The following ADAMTS17 variants were observed in gnomAD, a reference collection of about 807,000 sequenced individuals.
The protein encoded by ADAMTS17 is A disintegrin and metalloproteinase with thrombospondin motifs 17.
ADAMTS17 carries 113 observed loss-of-function variants against 141.5 expected under a neutral mutation model. That is an observed-to-expected ratio of 0.80 (90% CI 0.69 to 0.93). ADAMTS17 has a LOEUF of 0.93. ADAMTS17 is among the 40% of genes least tolerant of loss of function. The pLI is 0.00. For missense variants in ADAMTS17, 1,659 were observed against 1,517.9 expected (o/e 1.09, Z -1.54); for synonymous variants, 768 against 630.6 (o/e 1.22, Z -3.27).
chr15:100,215,529 G>A (rs2041944229), intron 7 of ADAMTS17, among the ~76,000 whole-genome samples: 1 of 152,130 alleles, frequency 6.6e-6, no homozygotes. Flanking sequence ...GGCCAACAGA[G>A]AAGTTGACAG....
intron 7 of ADAMTS17, among the ~76,000 whole-genome samples, chr15:100,241,053 T>C (rs1294624382): frequency 6.6e-6 from 1 of 152,206 alleles, no homozygotes. Context: ...CTCGAACTCC[T>C]GACCTTGTGA....
chr15:100,211,469 C>T (rs546465417), intron 7 of ADAMTS17, among the ~76,000 whole-genome samples: 1 of 152,114 alleles, frequency 6.6e-6, no homozygotes, highest in African/African-American at 2.4e-5. Context: ...ATGCCAGACA[C>T]AGAAACAAAC....
At chr15:100,241,762 A>G (rs2042834366) in intron 7 of ADAMTS17, among the ~76,000 whole-genome samples, 1 of 152,116 alleles carries the variant, frequency 6.6e-6, no homozygotes, top group Non-Finnish European at 1.5e-5. Flanking sequence ...ACCATGATTC[A>G]GTTCTTGTCT....
At chr15:100,121,877 C>A (rs1430592981) in intron 12 of ADAMTS17, among the ~76,000 whole-genome samples, 2 of 152,138 alleles carry the variant, frequency 1.3e-5, no homozygotes, top group Non-Finnish European at 2.9e-5. Context: ...TCCAAGCACA[C>A]CAACTTTTTG....
chr15:100,283,711 C>T (rs1261919781), intron 3 of ADAMTS17, among the ~76,000 whole-genome samples: 2 of 152,184 alleles, frequency 1.3e-5, no homozygotes, highest in Admixed American at 6.5e-5. Flanking sequence ...CATTAGGAGC[C>T]AGCTAGCATC....
intron 7 of ADAMTS17, among the ~76,000 whole-genome samples, chr15:100,228,204 G>T (rs1318685975): frequency 6.6e-6 from 1 of 152,184 alleles, no homozygotes; most frequent in Non-Finnish European, 1.5e-5. Context: ...CCTTCTCACA[G>T]TTCGGATCCT....
At chr15:100,277,182 A>T (rs545769803) in intron 4 of ADAMTS17, among the ~76,000 whole-genome samples, 1 of 152,082 alleles carries the variant, frequency 6.6e-6, no homozygotes, top group Non-Finnish European at 1.5e-5. Flanking sequence ...CCTCCTCAGG[A>T]AACATCTCAA....
At chr15:100,120,027 A>G (rs1459346273) in intron 12 of ADAMTS17, among the ~76,000 whole-genome samples, 1 of 152,216 alleles carries the variant, frequency 6.6e-6, no homozygotes, top group Non-Finnish European at 1.5e-5. Context: ...CTGTGTTCTC[A>G]GCAGAGAGCA....
intron 18 of ADAMTS17, among the ~76,000 whole-genome samples, chr15:100,019,009 C>G (rs1463149400): frequency 6.6e-6 from 1 of 152,144 alleles, no homozygotes; most frequent in Non-Finnish European, 1.5e-5. Flanking sequence ...CCAAGAAAAC[C>G]AGAAAACGAC....
intron 14 of ADAMTS17, among the ~76,000 whole-genome samples, chr15:100,099,989 T>A (rs889348728): frequency 6.6e-6 from 1 of 152,218 alleles, no homozygotes; most frequent in Non-Finnish European, 1.5e-5. Context: ...CTCCTGGTCA[T>A]CACACCTAGT....
At chr15:100,109,264 G>A (rs115205916) in intron 13 of ADAMTS17, 148 bp from the exon 14 acceptor site, 20 of 951,874 alleles carry the variant, frequency 2.1e-5, no homozygotes, top group East Asian at 2.9e-5. Context: ...CGCGCTCCAG[G>A]AAGCGGAAAA....
At chr15:100,180,625 C>T (rs1321902374) in intron 8 of ADAMTS17, among the ~76,000 whole-genome samples, 2 of 152,168 alleles carry the variant, frequency 1.3e-5, no homozygotes, top group Non-Finnish European at 2.9e-5. Flanking sequence ...GATGTTTTAA[C>T]AGTATTTATT....
At chr15:100,238,695 G>A (rs181716337) in intron 7 of ADAMTS17, among the ~76,000 whole-genome samples, 2 of 152,316 alleles carry the variant, frequency 1.3e-5, no homozygotes, top group African/African-American at 2.4e-5. Flanking sequence ...TGTCACTCGC[G>A]AGTGGCATAA....
intron 3 of ADAMTS17, 85 bp downstream of exon 3, chr15:100,330,804 A>C (rs975137865): frequency 1.0e-5 from 16 of 1,545,320 alleles, no homozygotes; most frequent in Non-Finnish European, 1.4e-5. Context: ...GTTCTCACTC[A>C]TGTGGCTTCA....
At chr15:100,271,864 T>C (rs1240561717) in intron 4 of ADAMTS17, among the ~76,000 whole-genome samples, 5 of 152,232 alleles carry the variant, frequency 3.3e-5, no homozygotes, top group Admixed American at 6.5e-5. Context: ...CTCTTCTGTT[T>C]AGGACTTTGA....
In ADAMTS17 at chr15:100,281,403, T is replaced by G; in HGVS notation, c.617-2A>C. 1.9e-6 allele frequency: 3 copies of G among 1,612,046 alleles called. No homozygotes were observed. Among genetic ancestry groups the G allele is most frequent in the Non-Finnish European group, 2.5e-6 (3 of 1,179,756 alleles). The stretch of plus-strand genomic sequence containing the variant: ...TGCCCCACGTCGGCTTCTTCTTTTC[T>G]AGAAAATGATGGAAACATTTGTGCG... On this transcript the variant is annotated splice_acceptor_variant, in intron 3 of 21. Transcript: ENST00000268070. LOFTEE classifies it high-confidence loss of function.
At chr15:100,163,712 A>C (rs1596155872) in intron 8 of ADAMTS17, among the ~76,000 whole-genome samples, 1 of 152,346 alleles carries the variant, frequency 6.6e-6, no homozygotes, top group African/African-American at 2.4e-5. Context: ...CAGTGGCAGG[A>C]AATCTGGGTA....
intron 7 of ADAMTS17, among the ~76,000 whole-genome samples, chr15:100,209,112 G>GC (rs1567357100): frequency 5.8e-4 from 43 of 73,776 alleles, no homozygotes; most frequent in African/African-American, 2.5e-3. Context: ...TGCCAAGTTA[G>GC]CAAAAAAAAA....
chr15:100,144,328 G>A (rs2038797644), intron 10 of ADAMTS17, among the ~76,000 whole-genome samples: 1 of 152,040 alleles, frequency 6.6e-6, no homozygotes. Context: ...GAGGCGGGTG[G>A]ATCACCTGAG....
Sources: gnomAD v4.1 joint callset for allele counts (sites outside exome capture counted in the v4.1 genomes callset) on GRCh38, gnomAD v4.1.1 for gene constraint, MANE v1.5 for transcripts, NCBI Gene and HGNC (gene_info 2026-07-23, HGNC 2026-07-21) for gene names.